MDGA2: variants seen among roughly 807,000 people sequenced by gnomAD.
MDGA2 encodes MAM domain-containing glycosylphosphatidylinositol anchor protein 2.
Under a neutral mutation model 117.8 loss-of-function variants are expected in MDGA2, and 40 were observed. That is an observed-to-expected ratio of 0.34 (90% confidence interval 0.26 to 0.44). The LOEUF (loss-of-function observed/expected upper bound fraction) is 0.44, where lower values mean the gene tolerates loss of function less well. MDGA2 is among the 20% of genes least tolerant of loss of function. The pLI is 1.00. For synonymous variants in MDGA2, 452 were observed against 439.0 expected (o/e 1.03, Z -0.37); for missense variants, 1,123 against 1,250.6 (o/e 0.90, Z 1.54).
At chr14:47,447,149 C>T (rs762652039) in intron 1 of MDGA2, among the ~76,000 whole-genome samples, 1 of 152,232 alleles carries the variant, frequency 6.6e-6, no homozygotes, top group African/African-American at 2.4e-5. Flanking sequence ...CTAAATATCA[C>T]CATTTTAGCA....
intron 8 of MDGA2, among the ~76,000 whole-genome samples, chr14:46,984,403 A>G (rs1886791784): frequency 6.6e-6 from 1 of 151,918 alleles, no homozygotes; most frequent in African/African-American, 2.4e-5. Context: ...TATTTTGTAT[A>G]TTTTATGTAA....
intron 1 of MDGA2, among the ~76,000 whole-genome samples, chr14:47,414,798 C>A (rs550583275): frequency 2.1e-4 from 32 of 151,800 alleles, no homozygotes; most frequent in Admixed American, 1.8e-3. Flanking sequence ...TCACCAAGAA[C>A]CCAACAAAAA....
At chr14:47,331,132 T>C (rs942824384) in intron 1 of MDGA2, among the ~76,000 whole-genome samples, 1 of 151,778 alleles carries the variant, frequency 6.6e-6, no homozygotes, top group East Asian at 1.9e-4. Context: ...TTATTAGAGA[T>C]CAATGAAAAG....
intron 1 of MDGA2, 143 bp downstream of exon 1, chr14:47,674,374 T>G: frequency 1.4e-6 from 1 of 706,594 alleles, no homozygotes; most frequent in East Asian, 3.1e-5. Context: ...GCTGCCTCTT[T>G]ATCGCTCCCA....
At chr14:47,436,649 T>G (rs4900761) in intron 1 of MDGA2, among the ~76,000 whole-genome samples, 152,058 of 152,204 alleles carry the variant, frequency 1, 75,956 homozygotes, top group Middle Eastern at 1. Flanking sequence ...ATTGTCTTGA[T>G]TCACACATAA....
At chr14:47,302,010 C>T (rs1168006604) in intron 1 of MDGA2, among the ~76,000 whole-genome samples, 1 of 152,146 alleles carries the variant, frequency 6.6e-6, no homozygotes, top group Non-Finnish European at 1.5e-5. Flanking sequence ...AGTTAATAAG[C>T]TCACGAATAA....
At chr14:47,330,308 T>C (rs768108014) in intron 1 of MDGA2, among the ~76,000 whole-genome samples, 3 of 151,950 alleles carry the variant, frequency 2.0e-5, no homozygotes, top group Non-Finnish European at 2.9e-5. Flanking sequence ...TTAGATATAT[T>C]AACCTATAAC....
chr14:46,996,019 A>G (rs191200955), intron 8 of MDGA2, among the ~76,000 whole-genome samples: 13 of 152,188 alleles, frequency 8.5e-5, no homozygotes, highest in Admixed American at 2.6e-4. Flanking sequence ...TCCAGTGTCT[A>G]CTCACTTCTA....
chr14:47,526,969 T>G (rs1894985123), intron 1 of MDGA2, among the ~76,000 whole-genome samples: 1 of 152,188 alleles, frequency 6.6e-6, no homozygotes, highest in South Asian at 2.1e-4. Flanking sequence ...GATTTTGGTA[T>G]GTCATTTTAA....
intron 8 of MDGA2, among the ~76,000 whole-genome samples, chr14:46,974,646 A>G (rs1322473535): frequency 2.0e-5 from 3 of 152,176 alleles, no homozygotes; most frequent in Non-Finnish European, 2.9e-5. Context: ...TTTTCAACAA[A>G]TGGTGTTGTG....
intron 1 of MDGA2, among the ~76,000 whole-genome samples, chr14:47,465,532 T>C (rs921849304): frequency 1.3e-5 from 2 of 151,778 alleles, no homozygotes; most frequent in Non-Finnish European, 2.9e-5. Context: ...CATGAACACA[T>C]ACATTTCAAA....
At position 47,097,140 on chromosome 14, in the gene MDGA2, G is replaced by A; in HGVS notation, c.926-17C>T. On this transcript the variant is annotated splice_polypyrimidine_tract_variant and intron_variant, in intron 5 of 16. Coordinates refer to ENST00000399232, the MANE Select transcript of MDGA2 (RefSeq NM_001113498.3). Reference sequence around the variant, plus strand: ...ACGGTGATGCTAAAAGACATAAACAGAAGAACGTGCACCTATTTAGATATG... The same window carrying A: ...ACGGTGATGCTAAAAGACATAAACAAAAGAACGTGCACCTATTTAGATATG... 1 of 1,607,178 alleles carries A rather than the reference G, an allele frequency of 6.2e-7. No homozygotes were observed. Among genetic ancestry groups the A allele is most frequent in the Non-Finnish European group, 8.5e-7 (1 of 1,174,840 alleles).
At chr14:47,321,750 T>G (rs1392536212) in intron 1 of MDGA2, among the ~76,000 whole-genome samples, 1 of 152,228 alleles carries the variant, frequency 6.6e-6, no homozygotes, top group Non-Finnish European at 1.5e-5. Context: ...GCAATGACCT[T>G]AATAAGAATG....
rs1004041616 is a variant in MDGA2, at chr14:46,920,099, G to A, written c.2151C>T (p.His717=). 2 of 1,611,738 alleles carry A rather than the reference G, an allele frequency of 1.2e-6. No homozygotes were observed. The highest frequency in any genetic ancestry group is 1.7e-6 in the Non-Finnish European group (2 of 1,178,974). ...DTYNPVWQNR[H]RVYSYSLQWT... The stretch of plus-strand genomic sequence containing the variant: ...ACTGTAGACTGTAAGAATAAACACG[G>A]TGTCTGTTCTGCCATACTGGATTGT... Residue 717 remains histidine, a synonymous_variant, in exon 10 of 17, where the codon CAC becomes CAT. Coordinates refer to ENST00000399232, the MANE Select transcript of MDGA2 (RefSeq NM_001113498.3).
intron 5 of MDGA2, among the ~76,000 whole-genome samples, chr14:47,098,980 CTAACTA>C (rs1308314835): frequency 1.3e-5 from 2 of 151,900 alleles, no homozygotes; most frequent in African/African-American, 4.8e-5. Context: ...GATCACTGTT[CTAACTA>C]TAATACATTT....
At chr14:46,985,350 C>A (rs900394459) in intron 8 of MDGA2, among the ~76,000 whole-genome samples, 1 of 151,848 alleles carries the variant, frequency 6.6e-6, no homozygotes, top group African/African-American at 2.4e-5. Flanking sequence ...GTAAGGAATC[C>A]AGCACAAGTA....
chr14:47,284,040 C>T (rs1192388134), intron 2 of MDGA2, among the ~76,000 whole-genome samples: 1 of 152,082 alleles, frequency 6.6e-6, no homozygotes, highest in Non-Finnish European at 1.5e-5. Context: ...ATCTAGGTGG[C>T]CTTGGTCTTG....
intron 2 of MDGA2, among the ~76,000 whole-genome samples, chr14:47,258,603 G>GT (rs1887698296): frequency 6.6e-6 from 1 of 151,980 alleles, no homozygotes; most frequent in South Asian, 2.1e-4. Context: ...GAAAATGTAG[G>GT]TTTTTTGAGA....
chr14:47,120,543 A>T (rs961635403), intron 5 of MDGA2, among the ~76,000 whole-genome samples: 2 of 152,206 alleles, frequency 1.3e-5, no homozygotes, highest in African/African-American at 4.8e-5. Context: ...GAAGAGTAGC[A>T]AGAAGAGTAT....
Sources: gnomAD v4.1 joint callset for allele counts (sites outside exome capture counted in the v4.1 genomes callset) on GRCh38, gnomAD v4.1.1 for gene constraint, MANE v1.5 for transcripts, NCBI Gene and HGNC (gene_info 2026-07-23, HGNC 2026-07-21) for gene names.